The following CCDC85A variants were observed in gnomAD, a reference collection of about 807,000 sequenced individuals.
CCDC85A encodes coiled-coil domain containing 85A, also known as coiled-coil domain-containing protein 85A.
Under a neutral mutation model 50.2 loss-of-function variants are expected in CCDC85A, and 38 were observed. The observed-to-expected ratio is 0.76, with a 90% CI of 0.58 to 0.99. The LOEUF (loss-of-function observed/expected upper bound fraction) is 0.99. Among genes scored for constraint, CCDC85A ranks in the 50% least tolerant of loss-of-function variants. The pLI is 0.00. For synonymous variants in CCDC85A, 366 were observed against 301.4 expected, an observed-to-expected ratio of 1.21 and a Z score of -2.22; for missense variants, 820 against 742.0, an observed-to-expected ratio of 1.11 and a Z score of -1.22.
intron 2 of CCDC85A, among the ~76,000 whole-genome samples, chr2:56,246,397 A>G (rs544303788): frequency 6.6e-6 from 1 of 151,876 alleles, no homozygotes; most frequent in East Asian, 1.9e-4. Flanking sequence ...TCCAGTTTTT[A>G]TTTGCTTATG....
intron 2 of CCDC85A, among the ~76,000 whole-genome samples, chr2:56,216,777 C>T (rs1677412829): frequency 6.9e-6 from 1 of 145,860 alleles, no homozygotes; most frequent in Non-Finnish European, 1.5e-5. Flanking sequence ...TTTATGAGCT[C>T]TTCTAGCTAA....
chr2:56,265,270 C>G (rs1670388130), intron 2 of CCDC85A, among the ~76,000 whole-genome samples: 1 of 152,186 alleles, frequency 6.6e-6, no homozygotes, highest in African/African-American at 2.4e-5. Flanking sequence ...TATAGTTGAA[C>G]AAACTAACTA....
At chr2:56,256,859 G>T (rs1167966449) in intron 2 of CCDC85A, among the ~76,000 whole-genome samples, 9 of 152,202 alleles carry the variant, frequency 5.9e-5, no homozygotes, top group African/African-American at 2.2e-4. Flanking sequence ...GGTTCCAGTT[G>T]TAAAGTGTTG....
intron 3 of CCDC85A, 95 bp from the exon 4 acceptor site, chr2:56,372,243 ATTGTGG>A (rs1277166688): frequency 1.6e-6 from 2 of 1,218,696 alleles, no homozygotes; most frequent in African/African-American, 3.1e-5. Flanking sequence ...CATTGTGGTC[ATTGTGG>A]TTCATCTCAT....
intron 3 of CCDC85A, among the ~76,000 whole-genome samples, chr2:56,354,799 C>A (rs1194084123): frequency 6.6e-6 from 1 of 152,172 alleles, no homozygotes; most frequent in Non-Finnish European, 1.5e-5. Context: ...CTTGGTAAGT[C>A]TTACTAGAAG....
At chr2:56,195,741 G>A (rs894781254) in intron 2 of CCDC85A, among the ~76,000 whole-genome samples, 1 of 152,138 alleles carries the variant, frequency 6.6e-6, no homozygotes, top group Admixed American at 6.5e-5. Flanking sequence ...ATTCAGAATT[G>A]CAGATTTGCT....
At chr2:56,239,356 T>TG (rs1669156731) in intron 2 of CCDC85A, among the ~76,000 whole-genome samples, 2 of 152,108 alleles carry the variant, frequency 1.3e-5, no homozygotes, top group Non-Finnish European at 2.9e-5. Flanking sequence ...TAAAGTGGTA[T>TG]GCTTATGAAA....
chr2:56,227,856 C>G (rs1286184064), intron 2 of CCDC85A, among the ~76,000 whole-genome samples: 1 of 152,108 alleles, frequency 6.6e-6, no homozygotes, highest in East Asian at 1.9e-4. Flanking sequence ...GGTCTGATTG[C>G]CCTTGTCCAG....
intron 2 of CCDC85A, among the ~76,000 whole-genome samples, chr2:56,337,826 C>T (rs1218002835): frequency 6.6e-6 from 1 of 151,432 alleles, no homozygotes; most frequent in Non-Finnish European, 1.5e-5. Flanking sequence ...GCTCTGTCAC[C>T]CAAGCTGGAG....
rs550556291 is a variant in CCDC85A at position 56,372,355 on chromosome 2, T to G, written c.1329T>G (p.Asn443Lys). 1 of 1,581,284 alleles carries G rather than the reference T, an allele frequency of 6.3e-7. No individual in the cohort carries two copies. The highest frequency in any genetic ancestry group is 1.3e-5 in the African/African-American group (1 of 74,234). ...ENRMLPQASQ[N>K]RRQPPTRNSS... ...GTTCCAAATATAAGGCCAGCCAGAATAGAAGGCAACCTCCAACTAGAAACA... is the reference window on the plus strand; with the variant it reads ...GTTCCAAATATAAGGCCAGCCAGAAGAGAAGGCAACCTCCAACTAGAAACA... The change falls in exon 4 of 6, where the codon AAT becomes AAG. Residue 443 changes from asparagine to lysine, a missense_variant. Asn to Lys is a moderately conservative substitution (Grantham distance 94). Transcript: ENST00000407595.
chr2:56,225,422 T>C (rs1282355749), intron 2 of CCDC85A, among the ~76,000 whole-genome samples: 1 of 151,910 alleles, frequency 6.6e-6, no homozygotes, highest in African/African-American at 2.4e-5. Context: ...GGAGAGTGCG[T>C]CTCAAAAAAA....
chr2:56,201,578 A>G (rs1012583004), intron 2 of CCDC85A, among the ~76,000 whole-genome samples: 16 of 152,194 alleles, frequency 1.1e-4, no homozygotes, highest in African/African-American at 3.9e-4. Context: ...ATAACTTCCT[A>G]AGTGTCCATA....
intron 2 of CCDC85A, among the ~76,000 whole-genome samples, chr2:56,234,973 G>A (rs995875559): frequency 2.0e-5 from 3 of 152,146 alleles, no homozygotes; most frequent in African/African-American, 4.8e-5. Flanking sequence ...TTCATCTCAG[G>A]TTGTGAAAAA....
intron 1 of CCDC85A, among the ~76,000 whole-genome samples, chr2:56,191,688 G>A (rs541198970): frequency 1.3e-5 from 2 of 152,308 alleles, no homozygotes; most frequent in African/African-American, 4.8e-5. Context: ...GTGCAGTTTG[G>A]GGAGAGAGGT....
At chr2:56,346,266 G>A (rs577727577) in intron 3 of CCDC85A, among the ~76,000 whole-genome samples, 157 of 152,260 alleles carry the variant, frequency 1.0e-3, no homozygotes, top group South Asian at 4.8e-3. Context: ...ATTTCTCCCT[G>A]GTTAGATGCA....
chr2:56,290,542 GT>G, intron 2 of CCDC85A, among the ~76,000 whole-genome samples: 1 of 152,292 alleles, frequency 6.6e-6, no homozygotes, highest in South Asian at 2.1e-4. Context: ...TGAATCCATA[GT>G]TAATAACATC....
chr2:56,376,458 A>T (rs567794043), intron 5 of CCDC85A, among the ~76,000 whole-genome samples: 28 of 152,310 alleles, frequency 1.8e-4, no homozygotes, highest in African/African-American at 6.7e-4. Context: ...TTATAGAATA[A>T]TAGAAAACAG....
intron 2 of CCDC85A, among the ~76,000 whole-genome samples, chr2:56,242,607 C>T (rs753602461): frequency 1.3e-5 from 2 of 152,156 alleles, no homozygotes; most frequent in Non-Finnish European, 2.9e-5. Flanking sequence ...ACCAAGTCCC[C>T]ACCTCCAACA....
intron 2 of CCDC85A, among the ~76,000 whole-genome samples, chr2:56,253,010 C>T (rs571705295): frequency 2.7e-5 from 4 of 150,054 alleles, no homozygotes; most frequent in East Asian, 2.0e-4. Context: ...CAAAGCAAGA[C>T]TCCATCTCAA....
Sources: allele counts gnomAD v4.1 joint callset (sites outside exome capture counted in the v4.1 genomes callset), GRCh38; gene constraint gnomAD v4.1.1; transcripts MANE v1.5; gene names NCBI Gene and HGNC (gene_info 2026-07-23, HGNC 2026-07-21).